The following ULK4 variants were observed in gnomAD, a reference collection of about 807,000 sequenced individuals.
The protein encoded by ULK4 is inactive serine/threonine-protein kinase ULK4.
In ULK4, 133 loss-of-function variants were observed where a neutral mutation model predicts 160.6. The ratio of observed to expected loss-of-function variants is 0.83; its 90% CI spans 0.72 to 0.96. The LOEUF (loss-of-function observed/expected upper bound fraction) is 0.96. Among genes scored for constraint, ULK4 ranks in the 40% least tolerant of loss-of-function variants. The pLI, the probability that ULK4 is intolerant of heterozygous loss-of-function variation, is 0.00. For synonymous variants in ULK4, 534 were observed against 539.8 expected (o/e 0.99, Z 0.15); for missense variants, 1,580 against 1,499.5 (o/e 1.05, Z -0.89).
At chr3:41,387,930 A>T (rs1196056219) in intron 35 of ULK4, among the ~76,000 whole-genome samples, 5 of 152,184 alleles carry the variant, frequency 3.3e-5, no homozygotes, top group African/African-American at 4.8e-5. Context: ...CTAGTTCTAG[A>T]TCCCTGAGGA....
chr3:41,468,647 T>C (rs561080966), intron 32 of ULK4, among the ~76,000 whole-genome samples: 1 of 152,134 alleles, frequency 6.6e-6, no homozygotes, highest in Admixed American at 6.5e-5. Context: ...CTTTTCCACA[T>C]GAAAAGGGTA....
At chr3:41,495,129 G>GC (rs2084939403) in intron 32 of ULK4, among the ~76,000 whole-genome samples, 1 of 152,120 alleles carries the variant, frequency 6.6e-6, no homozygotes, top group East Asian at 1.9e-4. Context: ...CCAAGTCAAT[G>GC]CTAAGCCAAA....
At chr3:41,507,993 T>A (rs1243570506) in intron 32 of ULK4, among the ~76,000 whole-genome samples, 1 of 152,168 alleles carries the variant, frequency 6.6e-6, no homozygotes, top group Admixed American at 6.5e-5. Flanking sequence ...GCCAAAAAAC[T>A]GTGAGTTGGC....
intron 25 of ULK4, among the ~76,000 whole-genome samples, chr3:41,706,363 A>T (rs1287031426): frequency 6.9e-6 from 1 of 145,912 alleles, no homozygotes; most frequent in South Asian, 2.1e-4. Flanking sequence ...ATATATATTT[A>T]TATATATATT....
intron 18 of ULK4, among the ~76,000 whole-genome samples, chr3:41,828,123 A>G (rs1168273367): frequency 2.5e-5 from 2 of 79,008 alleles, no homozygotes; most frequent in Non-Finnish European, 4.3e-5. Context: ...AAACTCTCAA[A>G]AATTAGGTAC....
chr3:41,605,274 T>C (rs543607276), intron 31 of ULK4, among the ~76,000 whole-genome samples: 2 of 152,018 alleles, frequency 1.3e-5, no homozygotes, highest in African/African-American at 4.8e-5. Flanking sequence ...AAAAATTGTA[T>C]TAAATAATAA....
intron 30 of ULK4, among the ~76,000 whole-genome samples, chr3:41,643,903 T>C (rs2034358305): frequency 6.6e-6 from 1 of 152,138 alleles, no homozygotes; most frequent in East Asian, 1.9e-4. Flanking sequence ...GAAGAGGTCC[T>C]TCACATCCCT....
chr3:41,792,697 A>C (rs1466639229), intron 20 of ULK4, among the ~76,000 whole-genome samples: 2 of 152,236 alleles, frequency 1.3e-5, no homozygotes, highest in Non-Finnish European at 2.9e-5. Context: ...CATTTTGAAA[A>C]GCTCAGGCAG....
At chr3:41,684,474 C>A (rs999617160) in intron 27 of ULK4, among the ~76,000 whole-genome samples, 2 of 152,188 alleles carry the variant, frequency 1.3e-5, no homozygotes, top group Non-Finnish European at 2.9e-5. Context: ...GTGGGGTACC[C>A]TCTCTTGCTA....
chr3:41,937,981 C>G, intron 3 of ULK4, 117 bp downstream of exon 3: 1 of 672,624 alleles, frequency 1.5e-6, no homozygotes, highest in Non-Finnish European at 2.3e-6. Flanking sequence ...TCCCTAATAT[C>G]CACAGAGCAA....
intron 17 of ULK4, among the ~76,000 whole-genome samples, chr3:41,866,083 G>A (rs895207990): frequency 3.9e-5 from 5 of 127,998 alleles, no homozygotes; most frequent in Admixed American, 3.5e-4. Context: ...AGAACAGACA[G>A]ATGATAGGGA....
At chr3:41,556,468 G>C (rs549135480) in intron 32 of ULK4, among the ~76,000 whole-genome samples, 18 of 143,382 alleles carry the variant, frequency 1.3e-4, no homozygotes, top group Non-Finnish European at 2.6e-4. Flanking sequence ...AGATGACTTC[G>C]CAAAGAAACT....
At chr3:41,774,558 A>C (rs1348291877) in intron 21 of ULK4, among the ~76,000 whole-genome samples, 6 of 148,824 alleles carry the variant, frequency 4.0e-5, no homozygotes, top group South Asian at 2.1e-4. Flanking sequence ...GCGATCATTA[A>C]AAAGTCAGGA....
At chr3:41,699,573 T>C (rs1383377124) in intron 27 of ULK4, among the ~76,000 whole-genome samples, 1 of 152,216 alleles carries the variant, frequency 6.6e-6, no homozygotes, top group Non-Finnish European at 1.5e-5. Flanking sequence ...GATTGATGAT[T>C]TCAACTCTGA....
chr3:41,742,652 A>G (rs1369822444), intron 22 of ULK4, among the ~76,000 whole-genome samples: 1 of 152,030 alleles, frequency 6.6e-6, no homozygotes, highest in East Asian at 1.9e-4. Flanking sequence ...AGTATGAATC[A>G]GATGTGAGAA....
At position 41,529,405 on chromosome 3, in the gene ULK4, A is replaced by G. The variant is rs572894644; in HGVS notation, c.3226+36620T>C. 2.2e-3 allele frequency among the ~76,000 whole-genome samples: 328 copies of G among 152,358 alleles called. 2 individuals carry two copies. The highest frequency in any genetic ancestry group is 2.9e-3 in the Non-Finnish European group (196 of 68,036). On this transcript the variant is annotated intron_variant, in intron 32 of 36. Transcript: ENST00000301831. ...GATTTGTTAATGCAAAGTTTTAGCA[A>G]TATCAAGGTAGTAAGAAATAAGGCA...
chr3:41,623,611 C>T (rs1453614832), intron 30 of ULK4, among the ~76,000 whole-genome samples: 5 of 152,052 alleles, frequency 3.3e-5, no homozygotes, highest in Non-Finnish European at 7.4e-5. Context: ...CACAGAAAAA[C>T]AAATACTACA....
Position 41,514,389 on chromosome 3 carries a change from GA to G in ULK4, c.3227-51137del, listed in dbSNP as rs577073223. On this transcript the variant is annotated intron_variant, in intron 32 of 36. Coordinates refer to ENST00000301831, the MANE Select transcript of ULK4 (RefSeq NM_017886.4). ...CTGGAGGGGGTCGTGCGAAGCAAAG[GA>G]ATAGGGTCATGTTTGATCCAAATGA... is the stretch of plus-strand genomic sequence containing the variant. Among the ~76,000 whole-genome samples, 7 of 152,274 alleles carry G rather than the reference GA, an allele frequency of 4.6e-5. 1 individual carries two copies. The South Asian group carries it at 1.5e-3, about 32-fold the overall frequency.
At chr3:41,683,526 T>C (rs1267751950) in intron 27 of ULK4, among the ~76,000 whole-genome samples, 2 of 151,216 alleles carry the variant, frequency 1.3e-5, no homozygotes. Flanking sequence ...CTGGTGAGTT[T>C]TTCCTCCAGC....
Sources: gnomAD v4.1 joint callset for allele counts (sites outside exome capture counted in the v4.1 genomes callset) on GRCh38, gnomAD v4.1.1 for gene constraint, MANE v1.5 for transcripts, NCBI Gene and HGNC (gene_info 2026-07-23, HGNC 2026-07-21) for gene names.